Variants in ZNF408 observed in about 807,000 individuals in gnomAD.
The protein encoded by ZNF408 is zinc finger protein 408, also known as PR domain zinc finger protein 17.
ZNF408 carries 24 observed loss-of-function variants against 27.6 expected under a neutral mutation model. The observed-to-expected ratio is 0.87, with a 90% CI of 0.63 to 1.22. ZNF408 has a LOEUF of 1.22. ZNF408 is among the 50% of genes most tolerant of loss of function. The probability of loss-of-function intolerance (pLI) is 0.00; values close to 1 mark genes in which losing one functional copy is unlikely to be tolerated. For synonymous variants in ZNF408, 410 were observed against 396.1 expected (o/e 1.04, Z -0.42); for missense variants, 897 against 949.0 (o/e 0.95, Z 0.72).
chr11:46,702,662 C>T (rs1592398384), intron 2 of ZNF408, 42 bp from the exon 3 acceptor site: 8 of 1,594,910 alleles, frequency 5.0e-6, no homozygotes, highest in Admixed American at 3.4e-5. Context: ...CTACCCGACC[C>T]CTCGAACACA....
chr11:46,705,640 C>A lies in ZNF408; in HGVS notation c.1940C>A (p.Pro647His), dbSNP rs779231756. The change falls in exon 5 of 5, where the codon CCC (proline) becomes CAC (histidine). Residue 647 changes from proline to histidine, a missense_variant. Physicochemically the swap from Pro to His is moderately conservative, Grantham distance 77 (BLOSUM62 -2). Coordinates refer to ENST00000311764, the MANE Select transcript of ZNF408 (RefSeq NM_024741.3). This position sits in a 1 kb window ranked among gnomAD's most constrained non-coding sequence, Gnocchi z 6.5. ...TCTGTGCCTTCTGCTGCTTCTGAGC[C>A]CACTGTGGTGCTCCTGCAGGCTGAG... ...PPSVPSAASEPTVVLLQAEPQ... is the reference protein window; with the variant it reads ...PPSVPSAASEHTVVLLQAEPQ... 6.8e-6 allele frequency: 11 copies of A among 1,613,408 alleles called. No individual in the cohort carries two copies. The African/African-American group carries it at 1.3e-4, about 20-fold the overall frequency.
At position 46,704,454 on chromosome 11, in the gene ZNF408, C is replaced by G. The variant is rs748056126; in HGVS notation, c.754C>G (p.Leu252Val). 1 of 1,614,192 alleles carries G rather than the reference C, an allele frequency of 6.2e-7. No individual in the cohort carries two copies. The highest frequency in any genetic ancestry group is 8.5e-7 in the Non-Finnish European group (1 of 1,180,034). ...QDRISKDSQP[L>V]GPLLQDGDVD... ...CCGAATTTCCAAGGATAGCCAGCCA[C>G]TTGGCCCATTGCTTCAGGATGGCGA... is the stretch of plus-strand genomic sequence containing the variant. Residue 252 changes from leucine (L) to valine (V), a missense_variant, in exon 5 of 5, where the codon CTT becomes GTT. Coordinates refer to ENST00000311764, the MANE Select transcript of ZNF408 (RefSeq NM_024741.3).
chr11:46,704,880 G>A lies in ZNF408; in HGVS notation c.1180G>A (p.Glu394Lys). Residue 394 changes from glutamate to lysine, a missense_variant, in exon 5 of 5, where the codon GAG becomes AAG. Glu to Lys is a moderately conservative substitution (Grantham distance 56). Coordinates refer to ENST00000311764, the MANE Select transcript of ZNF408 (RefSeq NM_024741.3). ...GTGTGGCAAGAGCTATAGCTCAGAG[G>A]AGAGCTTCAAAGCCCATATGCTGGG... is the stretch of plus-strand genomic sequence containing the variant. ...TECGKSYSSE[E>K]SFKAHMLGHR... 6.2e-7 allele frequency: 1 copy of A among 1,609,706 alleles called. No homozygotes were observed. Among genetic ancestry groups the A allele is most frequent in the Non-Finnish European group, 8.5e-7 (1 of 1,177,810 alleles).
At chr11:46,701,208 A>G (rs1022899996) in intron 1 of ZNF408, 109 bp downstream of exon 1, 2 of 1,593,750 alleles carry the variant, frequency 1.3e-6, no homozygotes, top group Non-Finnish European at 1.7e-6. Flanking sequence ...AGGATCCTCC[A>G]GTGCCCTCAG....
chr11:46,701,671 G>A lies in ZNF408; in HGVS notation c.325G>A (p.Glu109Lys). 1 of 1,575,832 alleles carries A rather than the reference G, an allele frequency of 6.3e-7. No individual in the cohort carries two copies. The highest frequency in any genetic ancestry group is 8.6e-7 in the Non-Finnish European group (1 of 1,157,476). The change falls in exon 2 of 5, where the codon GAG (glutamate) becomes AAG (lysine). Residue 109 changes from glutamate (E) to lysine (K), a missense_variant. Physicochemically the swap from Glu to Lys is moderately conservative, Grantham distance 56 (BLOSUM62 1). Coordinates refer to ENST00000311764, the MANE Select transcript of ZNF408 (RefSeq NM_024741.3). Reference protein sequence around the residue: ...EKGEGVKPRQEENLSLGPWGD... With the variant: ...EKGEGVKPRQKENLSLGPWGD... Reference sequence around the variant, plus strand: ...GGGCGAGGGAGTAAAGCCACGGCAGGAGGAGGTATTGAAGGATAGAGCGAC... The same window carrying A: ...GGGCGAGGGAGTAAAGCCACGGCAGAAGGAGGTATTGAAGGATAGAGCGAC...
Position 46,705,767 on chromosome 11 carries a change from A to G in ZNF408, c.2067A>G (p.Pro689=), listed in dbSNP as rs762994732. 6 of 1,611,026 alleles carry G rather than the reference A, an allele frequency of 3.7e-6. No homozygotes were observed. Among genetic ancestry groups the G allele is most frequent in the Non-Finnish European group, 4.2e-6 (5 of 1,178,822 alleles). The change falls in exon 5 of 5, where the codon CCA becomes CCG. Residue 689 remains proline, a synonymous_variant. Coordinates refer to ENST00000311764, the MANE Select transcript of ZNF408 (RefSeq NM_024741.3). The surrounding 1 kb of genome is among the most constrained non-coding windows in gnomAD (Gnocchi z 6.5). The part of the protein sequence containing the change: ...SESQEKCFVV[P]EEPDAAPSLV... ...GCCAGGAGAAGTGCTTTGTGGTGCC[A>G]GAGGAGCCAGATGCCGCCCCCAGCC...
At position 46,702,772 on chromosome 11, in the gene ZNF408, C is replaced by T. The variant is rs1177912759; in HGVS notation, c.392+7C>T. The T allele has an allele frequency of 6.2e-7, 1 of 1,614,102 alleles. No homozygotes were observed. Among genetic ancestry groups the T allele is most frequent in the Non-Finnish European group, 8.5e-7 (1 of 1,179,940 alleles). ...AGAGTTCTGGCTGGACTAGGTAAGTCAGAGGAGAGTGTGTCGTTCCTTTGA... is the reference window on the plus strand; with the variant it reads ...AGAGTTCTGGCTGGACTAGGTAAGTTAGAGGAGAGTGTGTCGTTCCTTTGA... On this transcript the variant is annotated splice_region_variant and intron_variant, in intron 3 of 4. Coordinates refer to ENST00000311764, the MANE Select transcript of ZNF408 (RefSeq NM_024741.3).
Position 46,704,987 on chromosome 11 carries a change from G to A in ZNF408, c.1287G>A (p.Val429=), listed in dbSNP as rs372128082. The change falls in exon 5 of 5, where the codon GTG becomes GTA. Residue 429 remains valine (V), a synonymous_variant. Transcript: ENST00000311764. Reference sequence around the variant, plus strand: ...AGCGAGACCTCAAAGAGCACCAGGTGGTACATTCAGGTGCCCGGCCCTTTG... The same window carrying A: ...AGCGAGACCTCAAAGAGCACCAGGTAGTACATTCAGGTGCCCGGCCCTTTG... ...GTQRDLKEHQ[V]VHSGARPFAC... is the part of the protein sequence containing the mutation. 1.2e-6 allele frequency: 2 copies of A among 1,613,506 alleles called. No homozygotes were observed. The highest frequency in any genetic ancestry group is 1.7e-6 in the Non-Finnish European group (2 of 1,180,018).
At chr11:46,701,255 T>A in intron 1 of ZNF408, 144 bp from the exon 2 acceptor site, 1 of 1,556,456 alleles carries the variant, frequency 6.4e-7, no homozygotes, top group Non-Finnish European at 8.8e-7. Flanking sequence ...TTGAGCCTCC[T>A]CAAAACTTTC....
Position 46,705,056 on chromosome 11 carries a change from G to C in ZNF408, c.1356G>C (p.Leu452=), listed in dbSNP as rs745551013. 9 of 1,612,912 alleles carry C rather than the reference G, an allele frequency of 5.6e-6. No individual in the cohort carries two copies. The highest frequency in any genetic ancestry group is 7.6e-6 in the Non-Finnish European group (9 of 1,179,970). Residue 452 remains leucine, a synonymous_variant, in exon 5 of 5, where the codon CTG becomes CTC. Coordinates refer to ENST00000311764, the MANE Select transcript of ZNF408 (RefSeq NM_024741.3). The surrounding 1 kb of genome is among the most constrained non-coding windows in gnomAD (Gnocchi z 6.5). The part of the protein sequence containing the change: ...CGKAFARRPS[L]RLHRKTHQVP... ...AGGCCTTTGCCCGCCGGCCCTCCCT[G>C]CGGCTGCATCGCAAGACCCACCAGG...
chr11:46,701,229 G>A (rs1366886335), intron 1 of ZNF408, 130 bp downstream of exon 1: 10 of 1,570,544 alleles, frequency 6.4e-6, no homozygotes, highest in Non-Finnish European at 8.7e-6. Flanking sequence ...AGTCGCTGGG[G>A]GCTTCTGAAG....
chr11:46,702,295 A>G (rs2064715263), intron 2 of ZNF408, among the ~76,000 whole-genome samples: 1 of 152,142 alleles, frequency 6.6e-6, no homozygotes, highest in African/African-American at 2.4e-5. Context: ...GGGTTTCACC[A>G]TGTTGGTGAG....
chr11:46,704,137 C>A (rs546106916), intron 4 of ZNF408, among the ~76,000 whole-genome samples: 2 of 152,128 alleles, frequency 1.3e-5, no homozygotes, highest in African/African-American at 4.8e-5. Flanking sequence ...ATGGCTGGGA[C>A]CCCATGGCTC....
chr11:46,705,588 C>A lies in ZNF408; in HGVS notation c.1888C>A (p.Arg630=), dbSNP rs745529105. 4.4e-6 allele frequency: 7 copies of A among 1,608,526 alleles called. No individual in the cohort carries two copies. The South Asian group carries it at 7.7e-5, about 18-fold the overall frequency. Residue 630 remains arginine (R), a synonymous_variant, in exon 5 of 5, where the codon CGG becomes AGG. Transcript: ENST00000311764. This position sits in a 1 kb window ranked among gnomAD's most constrained non-coding sequence, Gnocchi z 6.5. ...QSLRRHQLSH[R]PEAPCSPPSV... ...CCTCAGGCGGCATCAGCTCAGTCAC[C>A]GGCCTGAGGCACCCTGCAGCCCACC...
At chr11:46,702,663 C>T (rs1033971066) in intron 2 of ZNF408, 41 bp from the exon 3 acceptor site, 15 of 1,600,610 alleles carry the variant, frequency 9.4e-6, no homozygotes, top group East Asian at 6.7e-5. Flanking sequence ...TACCCGACCC[C>T]TCGAACACAT....
Position 46,705,705 on chromosome 11 carries a change from C to A in ZNF408, c.2005C>A (p.Pro669Thr). The A allele has an allele frequency of 6.2e-7, 1 of 1,613,518 alleles. No homozygotes were observed. The highest frequency in any genetic ancestry group is 8.5e-7 in the Non-Finnish European group (1 of 1,179,790). ...CACACACAGAGAGGAGGAAGTCTCC[C>A]CCGCCAGGGATGTTGTTGAGGTCAC... ...LDTHREEEVS[P>T]ARDVVEVTIS... The change falls in exon 5 of 5, where the codon CCC becomes ACC. Residue 669 changes from proline (P) to threonine (T), a missense_variant. Coordinates refer to ENST00000311764, the MANE Select transcript of ZNF408 (RefSeq NM_024741.3). This position sits in a 1 kb window ranked among gnomAD's most constrained non-coding sequence, Gnocchi z 6.5.
chr11:46,705,723 G>A lies in ZNF408; in HGVS notation c.2023G>A (p.Glu675Lys), dbSNP rs1034707751. 2 of 1,613,088 alleles carry A rather than the reference G, an allele frequency of 1.2e-6. No homozygotes were observed. Among genetic ancestry groups the A allele is most frequent in the East Asian group, 2.2e-5 (1 of 44,854 alleles). ...AGTCTCCCCCGCCAGGGATGTTGTT[G>A]AGGTCACCATTTCAGAAAGCCAGGA... ...EEVSPARDVV[E>K]VTISESQEKC... The change falls in exon 5 of 5, where the codon GAG becomes AAG. Residue 675 changes from glutamate to lysine, a missense_variant. By Grantham distance (56) the Glu-to-Lys change is moderately conservative. Transcript: ENST00000311764. This position sits in a 1 kb window ranked among gnomAD's most constrained non-coding sequence, Gnocchi z 6.5.
In ZNF408 at chr11:46,704,327, C is replaced by G. The variant is rs778584198; in HGVS notation, c.653-26C>G. On this transcript the variant is annotated intron_variant, in intron 4 of 4. Transcript: ENST00000311764. ...ACCATCTGCATTGAAGCTCCCTAAA[C>G]CCAGTACCCCATCCTTGCCTTGCAG... 8.3e-6 allele frequency: 13 copies of G among 1,561,918 alleles called. No individual in the cohort carries two copies. The East Asian group carries it at 2.9e-4, about 35-fold the overall frequency.
chr11:46,702,230 G>T (rs2064714610), intron 2 of ZNF408, among the ~76,000 whole-genome samples: 1 of 152,168 alleles, frequency 6.6e-6, no homozygotes, highest in African/African-American at 2.4e-5. Context: ...GAGTAGCTGG[G>T]ATTACAGATG....
Sources: allele counts gnomAD v4.1 joint callset (sites outside exome capture counted in the v4.1 genomes callset), GRCh38; gene constraint gnomAD v4.1.1; non-coding constraint Gnocchi (gnomAD v3.1); transcripts MANE v1.5; gene names NCBI Gene and HGNC (gene_info 2026-07-23, HGNC 2026-07-21).